NOL4: variants seen among roughly 807,000 people sequenced by gnomAD.
NOL4 encodes the protein cancer/testis antigen 125.
In NOL4, 17 loss-of-function variants were observed where a neutral mutation model predicts 75.9. That is an observed-to-expected ratio of 0.22 (90% CI 0.15 to 0.34). NOL4 has a LOEUF of 0.34. Among genes scored for constraint, NOL4 ranks in the 10% least tolerant of loss-of-function variants. The pLI is 1.00. For synonymous variants in NOL4, 292 were observed against 289.9 expected (o/e 1.01, Z -0.07); for missense variants, 614 against 793.5 (o/e 0.77, Z 2.72).
chr18:33,990,436 G>A (rs1288081842), intron 6 of NOL4, among the ~76,000 whole-genome samples: 2 of 151,920 alleles, frequency 1.3e-5, no homozygotes, highest in Non-Finnish European at 2.9e-5. Flanking sequence ...TTGTAGAACA[G>A]AACATGCTTC....
intron 1 of NOL4, among the ~76,000 whole-genome samples, chr18:34,197,850 G>T (rs762097116): frequency 6.6e-6 from 1 of 151,818 alleles, no homozygotes; most frequent in African/African-American, 2.4e-5. Flanking sequence ...AGAGGAAATG[G>T]GTTGATAAAA....
intron 6 of NOL4, among the ~76,000 whole-genome samples, chr18:33,990,351 C>A (rs1379003799): frequency 6.6e-6 from 1 of 152,058 alleles, no homozygotes; most frequent in Non-Finnish European, 1.5e-5. Flanking sequence ...CCTCCTCTGA[C>A]TCCCAGATCT....
chr18:34,182,767 CT>C (rs1412505232), intron 1 of NOL4, among the ~76,000 whole-genome samples: 3 of 151,372 alleles, frequency 2.0e-5, no homozygotes, highest in African/African-American at 7.3e-5. Context: ...ATTGCATTAA[CT>C]TTATAATCCA....
chr18:33,983,221 G>A (rs928099385), intron 6 of NOL4, among the ~76,000 whole-genome samples: 2 of 152,034 alleles, frequency 1.3e-5, no homozygotes, highest in Admixed American at 6.6e-5. Flanking sequence ...AGAGCACAAA[G>A]GATTTTAAGA....
intron 6 of NOL4, among the ~76,000 whole-genome samples, chr18:33,988,368 A>G (rs1371409557): frequency 6.6e-6 from 1 of 152,098 alleles, no homozygotes; most frequent in Non-Finnish European, 1.5e-5. Context: ...AGAGGATGCT[A>G]GAAGTGTGAA....
intron 6 of NOL4, among the ~76,000 whole-genome samples, chr18:33,986,700 A>G (rs1388111343): frequency 1.3e-5 from 2 of 152,168 alleles, no homozygotes; most frequent in African/African-American, 4.8e-5. Context: ...AGCCACTTTG[A>G]CAATCAGTTG....
rs1568212585 is a variant in NOL4, at chr18:34,011,914, A to G, written c.1056+7404T>C. On this transcript the variant is annotated intron_variant, in intron 6 of 10. Transcript: ENST00000261592. ...TATTATATGTCTAAAAAGGAACTCA[A>G]AATGCACATTTCACCGAATGTGCAG... Among the ~76,000 whole-genome samples, 7 of 151,924 alleles carry G rather than the reference A, an allele frequency of 4.6e-5. 1 individual carries two copies. In the South Asian group the frequency reaches 1.4e-3, roughly 31 times the overall value.
chr18:34,168,213 T>C (rs1005436890), intron 1 of NOL4, among the ~76,000 whole-genome samples: 2 of 151,950 alleles, frequency 1.3e-5, no homozygotes, highest in African/African-American at 4.8e-5. Context: ...ATAAAAATTT[T>C]AAGACTGTCA....
chr18:34,148,559 T>G (rs2081508135), intron 1 of NOL4, among the ~76,000 whole-genome samples: 1 of 152,174 alleles, frequency 6.6e-6, no homozygotes, highest in East Asian at 1.9e-4. Context: ...TCTAATTTGA[T>G]TGCACTGTGG....
intron 4 of NOL4, among the ~76,000 whole-genome samples, chr18:34,094,716 G>A (rs528701130): frequency 6.6e-6 from 1 of 152,236 alleles, no homozygotes; most frequent in African/African-American, 2.4e-5. Flanking sequence ...CGTTTAACAC[G>A]AATATAATAA....
chr18:33,959,632 A>G (rs189884578), intron 6 of NOL4, among the ~76,000 whole-genome samples: 161 of 152,222 alleles, frequency 1.1e-3, no homozygotes, highest in Non-Finnish European at 1.4e-3. Context: ...ATGATATAAA[A>G]GATATTTTTT....
intron 4 of NOL4, among the ~76,000 whole-genome samples, chr18:34,100,673 T>C (rs1285375776): frequency 6.6e-6 from 1 of 152,198 alleles, no homozygotes; most frequent in Non-Finnish European, 1.5e-5. Context: ...TGTTATAACA[T>C]TGGAATTTCC....
At chr18:33,973,633 T>G (rs546274657) in intron 6 of NOL4, among the ~76,000 whole-genome samples, 12 of 152,346 alleles carry the variant, frequency 7.9e-5, no homozygotes, top group African/African-American at 2.9e-4. Context: ...ATCTGTCAGC[T>G]GCAAAATGGA....
At chr18:34,113,259 C>T (rs769393764) in intron 2 of NOL4, among the ~76,000 whole-genome samples, 3 of 152,176 alleles carry the variant, frequency 2.0e-5, no homozygotes, top group Non-Finnish European at 4.4e-5. Context: ...GGATTACAGG[C>T]ATGAGCAACT....
intron 5 of NOL4, among the ~76,000 whole-genome samples, chr18:34,044,078 T>A (rs1159025047): frequency 1.3e-5 from 2 of 152,106 alleles, no homozygotes; most frequent in African/African-American, 4.8e-5. Flanking sequence ...CACGTTTATG[T>A]CACTTAACTC....
intron 9 of NOL4, among the ~76,000 whole-genome samples, chr18:33,915,996 C>T (rs1408176202): frequency 1.3e-5 from 2 of 152,098 alleles, no homozygotes; most frequent in African/African-American, 2.4e-5. Flanking sequence ...CCAACATTAT[C>T]GAGTACAGAG....
intron 1 of NOL4, among the ~76,000 whole-genome samples, chr18:34,167,235 C>T (rs1215929443): frequency 6.6e-6 from 1 of 151,876 alleles, no homozygotes; most frequent in African/African-American, 2.4e-5. Flanking sequence ...AATTGAGCAT[C>T]ACAGGAAGTT....
intron 1 of NOL4, among the ~76,000 whole-genome samples, chr18:34,161,830 A>T (rs1010461677): frequency 1.5e-4 from 23 of 152,120 alleles, no homozygotes; most frequent in African/African-American, 5.6e-4. Flanking sequence ...TAATTTAGAT[A>T]TGTTCTGGTG....
chr18:33,900,566 G>A (rs2065686747), intron 9 of NOL4, among the ~76,000 whole-genome samples: 1 of 152,174 alleles, frequency 6.6e-6, no homozygotes, highest in Admixed American at 6.6e-5. Flanking sequence ...ATAGAGTTCA[G>A]CAAGTTCTAG....
Sources: gnomAD v4.1 joint callset for allele counts (sites outside exome capture counted in the v4.1 genomes callset) on GRCh38, gnomAD v4.1.1 for gene constraint, MANE v1.5 for transcripts, NCBI Gene and HGNC (gene_info 2026-07-23, HGNC 2026-07-21) for gene names.